PCDH10: variants seen among roughly 807,000 people sequenced by gnomAD.
PCDH10 encodes protocadherin-10.
In PCDH10, 15 loss-of-function variants were observed where a neutral mutation model predicts 74.4. The observed-to-expected ratio is 0.20, with a 90% CI of 0.13 to 0.31. The LOEUF (loss-of-function observed/expected upper bound fraction) is 0.31, where lower values mean the gene tolerates loss of function less well. Ranked by LOEUF, PCDH10 falls within the 10% of genes least tolerant of loss-of-function variation. The probability of loss-of-function intolerance (pLI) is 1.00; values close to 1 mark genes in which losing one functional copy is unlikely to be tolerated. For synonymous variants in PCDH10, 619 were observed against 589.8 expected (o/e 1.05, Z -0.72); for missense variants, 1,260 against 1,390.2 (o/e 0.91, Z 1.49).
chr4:133,205,357 T>C (rs1727980428), intron 2 of PCDH10, among the ~76,000 whole-genome samples: 1 of 152,156 alleles, frequency 6.6e-6, no homozygotes, highest in Non-Finnish European at 1.5e-5. Flanking sequence ...TGAAAGAGTT[T>C]CCATATCGTC....
chr4:133,167,737 T>C (rs1328036152), intron 4 of PCDH10, among the ~76,000 whole-genome samples: 1 of 151,496 alleles, frequency 6.6e-6, no homozygotes, highest in African/African-American at 2.4e-5. Context: ...ACATACAGAT[T>C]GGTGAACCTA....
At position 133,150,094 on chromosome 4, in the gene PCDH10, T is replaced by A. The variant is rs781217636; in HGVS notation, c.-47T>A. The A allele has an allele frequency of 3.4e-6, 5 of 1,458,426 alleles. No homozygotes were observed. The highest frequency in any genetic ancestry group is 4.5e-6 in the Non-Finnish European group (5 of 1,102,502). 90.3% of individuals were successfully genotyped at this position (1,458,426 alleles called of 1,614,324 possible). A position where few individuals can be genotyped will look rare whatever the true frequency, so the allele number is the denominator to read the frequency against. On this transcript the variant is annotated 5_prime_UTR_variant, in exon 1 of 5. In the 5' UTR this introduces an upstream ATG that the reference lacks. Transcript: ENST00000264360. The stretch of plus-strand genomic sequence containing the variant: ...TGTTTCGTGGTGGTGGGGGAGGTGA[T>A]TGGGTGGCTGACTGGCTGCGGGAAG...
intron 3 of PCDH10, among the ~76,000 whole-genome samples, chr4:133,162,558 A>C (rs1726991228): frequency 6.6e-6 from 1 of 152,106 alleles, no homozygotes; most frequent in Admixed American, 6.5e-5. Context: ...AAAGTCAAAT[A>C]TTTATCATTG....
At chr4:133,195,184 G>C (rs978621280), downstream of PCDH10, among the ~76,000 whole-genome samples, 4 of 152,028 alleles carry the variant, frequency 2.6e-5, no homozygotes, top group African/African-American at 9.7e-5. Flanking sequence ...AGAAATTTAA[G>C]TCTGAATTAA....
chr4:133,150,834 G>C lies in PCDH10; in HGVS notation c.694G>C (p.Gly232Arg). Reference protein sequence around the residue: ...AGLPPQQQRTGTALLTIRVLD... With the variant: ...AGLPPQQQRTRTALLTIRVLD... ...CCTGCCCCCCCAGCAGCAGCGCACC[G>C]GCACGGCCCTACTCACCATCCGAGT... The change falls in exon 1 of 5, where the codon GGC becomes CGC. Residue 232 changes from glycine to arginine, a missense_variant. Physicochemically the swap from Gly to Arg is moderately radical, Grantham distance 125. Coordinates refer to ENST00000264360, the MANE Select transcript of PCDH10 (RefSeq NM_032961.3). 1 of 1,579,134 alleles carries C rather than the reference G, an allele frequency of 6.3e-7. No individual in the cohort carries two copies. Among genetic ancestry groups the C allele is most frequent in the Non-Finnish European group, 8.6e-7 (1 of 1,163,002 alleles).
In PCDH10 at chr4:133,182,595, A is replaced by T. The variant is rs181282282; in HGVS notation, c.3104-7546A>T. On this transcript the variant is annotated intron_variant, in intron 4 of 4. Coordinates refer to ENST00000264360, the MANE Select transcript of PCDH10 (RefSeq NM_032961.3). ...AATTTCCATATTTTAGTGGACTCTG[A>T]TGAAGGATTCCAGAAAAATTTTCAG... Among the ~76,000 whole-genome samples the T allele has an allele frequency of 1.3e-3, 203 of 152,218 alleles. 3 individuals carry two copies. In the Middle Eastern group the frequency reaches 0.014, roughly 10 times the overall value.
rs137880046 is a variant in PCDH10, at chr4:133,186,897, T to C, written c.3104-3244T>C. Among the ~76,000 whole-genome samples the C allele has an allele frequency of 3.0e-3, 450 of 152,226 alleles. 6 individuals are homozygous for C. The highest frequency in any genetic ancestry group is 0.027 in the Admixed American group (407 of 15,272). ...TAAACCCTGCTAACTTTTGTATTTC[T>C]AGTAGAGATGGTCTTTTGACATGTT... is the stretch of plus-strand genomic sequence containing the variant. On this transcript the variant is annotated intron_variant, in intron 4 of 4. Transcript: ENST00000264360.
At position 133,192,814 on chromosome 4, in the gene PCDH10, A is replaced by C. The variant is rs183686219; in HGVS notation, c.*2654A>C. On this transcript the variant is annotated 3_prime_UTR_variant, in exon 5 of 5. Coordinates refer to ENST00000264360, the MANE Select transcript of PCDH10 (RefSeq NM_032961.3). Reference sequence around the variant, plus strand: ...TAAGTTGGTTAAAATGTTTTCTTCCAATGAGGGGGACTATAAAATGGAAAG... The same window carrying C: ...TAAGTTGGTTAAAATGTTTTCTTCCCATGAGGGGGACTATAAAATGGAAAG... 1 of 151,698 alleles carries C rather than the reference A, an allele frequency of 6.6e-6. No individual in the cohort carries two copies. The highest frequency in any genetic ancestry group is 1.9e-4 in the East Asian group (1 of 5,182). The allele number at this position is 151,698 out of a possible 1,614,324, so 9.4% of individuals were successfully genotyped here. A position where few individuals can be genotyped will look rare whatever the true frequency, so the allele number is the denominator to read the frequency against.
chr4:133,173,529 C>T (rs1043767591), intron 4 of PCDH10, among the ~76,000 whole-genome samples: 5 of 151,950 alleles, frequency 3.3e-5, no homozygotes, highest in African/African-American at 9.7e-5. Context: ...CACGTTCTAG[C>T]TGTGCATTGT....
intron 3 of PCDH10, among the ~76,000 whole-genome samples, chr4:133,156,125 G>A (rs1198619160): frequency 2.0e-5 from 3 of 152,052 alleles, no homozygotes; most frequent in African/African-American, 7.2e-5. Context: ...ATTAGTCCTC[G>A]AGAGCACCCA....
In PCDH10 at chr4:133,167,572, T is replaced by C. The variant is rs1727112188; in HGVS notation, c.3103+4290T>C. The stretch of plus-strand genomic sequence containing the variant: ...AAGGCCTTGCTTTCATATAGGCCCA[T>C]ACACCGCTAAATGAATGGACCTCTC... On this transcript the variant is annotated intron_variant, in intron 4 of 4. Transcript: ENST00000264360. 2.0e-5 allele frequency among the ~76,000 whole-genome samples: 3 copies of C among 151,524 alleles called. No individual in the cohort carries two copies. In the South Asian group the frequency reaches 6.2e-4, roughly 31 times the overall value.
At chr4:133,169,960 C>G (rs1331979679) in intron 4 of PCDH10, among the ~76,000 whole-genome samples, 3 of 151,952 alleles carry the variant, frequency 2.0e-5, no homozygotes, top group Non-Finnish European at 4.4e-5. Flanking sequence ...TAAGATTAAA[C>G]TCAGCATAAT....
Position 133,163,250 on chromosome 4 carries a change from A to G in PCDH10, c.3071A>G (p.Asn1024Ser), listed in dbSNP as rs1284283228. 2 of 1,613,702 alleles carry G rather than the reference A, an allele frequency of 1.2e-6. No individual in the cohort carries two copies. Among genetic ancestry groups the G allele is most frequent in the East Asian group, 4.5e-5 (2 of 44,848 alleles). ...AAGGAGCTGGATGGACTGCTGACTA[A>G]TACGCGAGCGCCTTACAAACCACCA... is the stretch of plus-strand genomic sequence containing the variant. ...ERKELDGLLT[N>S]TRAPYKPPYL... Residue 1024 changes from asparagine to serine, a missense_variant, in exon 4 of 5, where the codon AAT becomes AGT. Transcript: ENST00000264360.
At chr4:133,181,092 A>C (rs999609996) in intron 4 of PCDH10, among the ~76,000 whole-genome samples, 1 of 151,966 alleles carries the variant, frequency 6.6e-6, no homozygotes, top group East Asian at 1.9e-4. Flanking sequence ...GCAATTAAAA[A>C]TTATACCTTC....
At chr4:133,179,259 A>ACTC (rs1727359913) in intron 4 of PCDH10, among the ~76,000 whole-genome samples, 1 of 151,576 alleles carries the variant, frequency 6.6e-6, no homozygotes. Flanking sequence ...ATCAATGAGG[A>ACTC]CTCCTCTCTT....
chr4:133,152,860 A>G (rs770559480), intron 1 of PCDH10, 89 bp downstream of exon 1: 1 of 1,554,742 alleles, frequency 6.4e-7, no homozygotes, highest in Non-Finnish European at 8.7e-7. Context: ...GGTGCACTGT[A>G]TCTATTTTTA....
At chr4:133,164,691 T>C (rs993165145) in intron 4 of PCDH10, among the ~76,000 whole-genome samples, 1 of 151,616 alleles carries the variant, frequency 6.6e-6, no homozygotes, top group East Asian at 1.9e-4. Context: ...TTTTTAACAT[T>C]TACAGATGTC....
chr4:133,151,845 G>T lies in PCDH10; in HGVS notation c.1705G>T (p.Asp569Tyr). The T allele has an allele frequency of 6.2e-7, 1 of 1,613,084 alleles. No individual in the cohort carries two copies. The highest frequency in any genetic ancestry group is 8.5e-7 in the Non-Finnish European group (1 of 1,180,028). The part of the protein sequence containing the change: ...TVNILIVDQN[D>Y]NAPAIVAPLP... ...CAACATCCTCATAGTGGATCAAAAT[G>T]ACAACGCCCCTGCCATCGTGGCGCC... The change falls in exon 1 of 5, where the codon GAC becomes TAC. Residue 569 changes from aspartate to tyrosine, a missense_variant. Asp to Tyr is a radical substitution (Grantham distance 160). This residue lies in a region of PCDH10 where 587 missense variants were observed against 616.9 expected (regional missense o/e 0.95). Transcript: ENST00000264360.
chr4:133,154,307 A>T lies in PCDH10; in HGVS notation c.2632A>T (p.Thr878Ser). Residue 878 changes from threonine (T) to serine (S), a missense_variant and splice_region_variant, in exon 2 of 5, where the codon ACT becomes TCT. Around this residue, in one of 11 missense-constraint regions of PCDH10, gnomAD observed 587 missense variants for 616.9 expected, o/e 0.95. Coordinates refer to ENST00000264360, the MANE Select transcript of PCDH10 (RefSeq NM_032961.3). ...ISNGSILSNETKHQRAELSYL... is the reference protein window; with the variant it reads ...ISNGSILSNESKHQRAELSYL... The stretch of plus-strand genomic sequence containing the variant: ...CTTGATTTATTTATTTTTTTCCTAG[A>T]CTAAACACCAGCGAGCAGAGCTCAG... The T allele has an allele frequency of 6.2e-7, 1 of 1,604,912 alleles. No homozygotes were observed. Among genetic ancestry groups the T allele is most frequent in the Non-Finnish European group, 8.5e-7 (1 of 1,174,330 alleles).
Sources: gnomAD v4.1 joint callset for allele counts (sites outside exome capture counted in the v4.1 genomes callset) on GRCh38, gnomAD v4.1.1 for gene constraint, gnomAD v4.1.1 regional missense constraint, MANE v1.5 for transcripts, NCBI Gene and HGNC (gene_info 2026-07-23, HGNC 2026-07-21) for gene names.